The following SYNE1 variants were observed in gnomAD, a reference collection of about 807,000 sequenced individuals.
The protein encoded by SYNE1 is nesprin-1.
SYNE1 carries 616 observed loss-of-function variants against 1,111.0 expected under a neutral mutation model. That is an observed-to-expected ratio of 0.55 (90% CI 0.52 to 0.59). The LOEUF (loss-of-function observed/expected upper bound fraction) is 0.59, where lower values mean the gene tolerates loss of function less well. SYNE1 is among the 20% of genes least tolerant of loss of function. The pLI is 0.00. For missense variants in SYNE1, 10,006 were observed against 10,417.0 expected (o/e 0.96, Z 1.72); for synonymous variants, 3,855 against 3,825.8 (o/e 1.01, Z -0.28).
intron 81 of SYNE1, among the ~76,000 whole-genome samples, chr6:152,324,363 C>T (rs1309884564): frequency 1.3e-5 from 2 of 152,134 alleles, no homozygotes; most frequent in African/African-American, 2.4e-5. Flanking sequence ...CACACCACTG[C>T]ACTCTAGCCT....
chr6:152,430,282 G>A (rs1199263867), intron 35 of SYNE1, 72 bp from the exon 36 acceptor site: 2 of 1,322,310 alleles, frequency 1.5e-6, no homozygotes, highest in African/African-American at 1.5e-5. Flanking sequence ...AAGTTACTGA[G>A]AAAATGGCAT....
Position 152,176,432 on chromosome 6 carries a change from G to A in SYNE1, c.23589C>T (p.Asn7863=), listed in dbSNP as rs753421656. ...SEIEYKLGKV[N]DRWQHLLDLI... Reference sequence around the variant, plus strand: ...GGTCCAGGAGATGCTGCCACCGGTCGTTGACCTTTCCCAGCTTGTATTCAA... The same window carrying A: ...GGTCCAGGAGATGCTGCCACCGGTCATTGACCTTTCCCAGCTTGTATTCAA... Residue 7863 remains asparagine (N), a synonymous_variant, in exon 130 of 146, where the codon AAC becomes AAT. Coordinates refer to ENST00000367255, the MANE Select transcript of SYNE1 (RefSeq NM_182961.4). 19 of 1,614,054 alleles carry A rather than the reference G, an allele frequency of 1.2e-5. No individual in the cohort carries two copies. The highest frequency in any genetic ancestry group is 7.6e-6 in the Non-Finnish European group (9 of 1,180,016).
Position 152,225,791 on chromosome 6 carries a change from T to C in SYNE1, c.21281A>G (p.Glu7094Gly). 1 of 1,614,164 alleles carries C rather than the reference T, an allele frequency of 6.2e-7. No homozygotes were observed. The highest frequency in any genetic ancestry group is 8.5e-7 in the Non-Finnish European group (1 of 1,180,014). Residue 7094 changes from glutamate to glycine, a missense_variant, in exon 116 of 146, where the codon GAA becomes GGA. Coordinates refer to ENST00000367255, the MANE Select transcript of SYNE1 (RefSeq NM_182961.4). ...NGLALIQNKK[E>G]DVSSIVMSTL... ...GCTCATGACAATGCTAGAGACGTCT[T>C]CTTTCTTGTTCTGAATCAAAGCAAG...
intron 3 of SYNE1, among the ~76,000 whole-genome samples, chr6:152,548,807 G>C (rs997389663): frequency 6.6e-6 from 1 of 152,134 alleles, no homozygotes; most frequent in African/African-American, 2.4e-5. Flanking sequence ...TTCCCATCCA[G>C]GGGTAGAATC....
chr6:152,401,386 G>T, intron 46 of SYNE1, 45 bp from the exon 47 acceptor site: 1 of 1,569,196 alleles, frequency 6.4e-7, no homozygotes, highest in Admixed American at 1.7e-5. Context: ...AAGACCAGAA[G>T]AATACTCATT....
At chr6:152,215,190 C>A in intron 121 of SYNE1, 130 bp from the exon 122 acceptor site, 2 of 1,005,636 alleles carry the variant, frequency 2.0e-6, no homozygotes, top group South Asian at 1.4e-5. Context: ...CATTTCTAGG[C>A]CACTTACTTA....
chr6:152,177,338 A>T (rs911383224), intron 129 of SYNE1, among the ~76,000 whole-genome samples: 3 of 152,192 alleles, frequency 2.0e-5, no homozygotes, highest in Non-Finnish European at 2.9e-5. Context: ...CCTGACTGCC[A>T]CTGCTATCCC....
At chr6:152,314,965 C>G (rs2095666721) in intron 87 of SYNE1, among the ~76,000 whole-genome samples, 2 of 140,508 alleles carry the variant, frequency 1.4e-5, no homozygotes, top group African/African-American at 2.6e-5. Context: ...GAGCTACAGC[C>G]TGGGCGATAG....
At chr6:152,239,830 G>T in intron 107 of SYNE1, 124 bp from the exon 108 acceptor site, 2 of 1,016,630 alleles carry the variant, frequency 2.0e-6, no homozygotes, top group Non-Finnish European at 3.0e-6. Context: ...AGGCTGAAGT[G>T]GGTGGATTAC....
chr6:152,584,125 C>T lies in SYNE1; in HGVS notation c.68-44104G>A, dbSNP rs114252497. Among the ~76,000 whole-genome samples the T allele has an allele frequency of 3.1e-3, 479 of 152,218 alleles. 3 individuals carry two copies. The highest frequency in any genetic ancestry group is 0.011 in the African/African-American group (457 of 41,532). On this transcript the variant is annotated intron_variant, in intron 3 of 145. Coordinates refer to ENST00000367255, the MANE Select transcript of SYNE1 (RefSeq NM_182961.4). Reference sequence around the variant, plus strand: ...GATTATGACACTTGTGCCTCGATACCCTTATCTGCTAAATCGGGGAGCACA... The same window carrying T: ...GATTATGACACTTGTGCCTCGATACTCTTATCTGCTAAATCGGGGAGCACA...
At chr6:152,369,982 CAAAAAAAAAAAA>C (rs778013525) in intron 59 of SYNE1, among the ~76,000 whole-genome samples, 8 of 49,986 alleles carry the variant, frequency 1.6e-4, no homozygotes, top group African/African-American at 4.2e-4. Context: ...GACTCTGTCT[CAAAAAAAAAAAA>C]AAAAAAAAAA....
chr6:152,195,359 T>G (rs2073823595), intron 127 of SYNE1, among the ~76,000 whole-genome samples: 1 of 152,256 alleles, frequency 6.6e-6, no homozygotes, highest in South Asian at 2.1e-4. Context: ...TGCAGATGTT[T>G]GCTGGTGTCT....
intron 61 of SYNE1, chr6:152,367,741 T>G (rs2097105610): frequency 3.6e-6 from 1 of 278,170 alleles, no homozygotes; most frequent in South Asian, 4.3e-5. Flanking sequence ...ACAACCCACA[T>G]GACCTACATT....
intron 93 of SYNE1, 85 bp from the exon 94 acceptor site, chr6:152,294,212 GA>G: frequency 6.8e-7 from 1 of 1,475,030 alleles, no homozygotes. Flanking sequence ...TCATGTCAAG[GA>G]AAGGTTTCAG....
intron 32 of SYNE1, among the ~76,000 whole-genome samples, chr6:152,439,932 T>A (rs1266061002): frequency 6.6e-6 from 1 of 152,170 alleles, no homozygotes; most frequent in Non-Finnish European, 1.5e-5. Flanking sequence ...ATACGGTCTG[T>A]TTGATGCCCC....
At chr6:152,136,207 C>A (rs1388061172) in intron 141 of SYNE1, among the ~76,000 whole-genome samples, 1 of 152,146 alleles carries the variant, frequency 6.6e-6, no homozygotes, top group African/African-American at 2.4e-5. Flanking sequence ...ACCACGTCTG[C>A]CATATGGTGG....
chr6:152,260,961 T>C (rs2091899299), intron 101 of SYNE1, among the ~76,000 whole-genome samples: 2 of 152,110 alleles, frequency 1.3e-5, no homozygotes. Flanking sequence ...GTCTGCAGCC[T>C]GGGGGTTGGG....
intron 47 of SYNE1, 116 bp downstream of exon 47, chr6:152,401,022 T>G (rs758741204): frequency 2.1e-6 from 2 of 972,916 alleles, no homozygotes; most frequent in Non-Finnish European, 3.2e-6. Context: ...AATAAGTTGG[T>G]CTGGTGTTCA....
rs370096464 is a variant in SYNE1 at position 152,444,368 on chromosome 6, A to G, written c.3837+43T>C. The G allele has an allele frequency of 2.6e-5, 42 of 1,606,138 alleles. No individual in the cohort carries two copies. In the African/African-American group the frequency reaches 5.5e-4, roughly 21 times the overall value. On this transcript the variant is annotated intron_variant, in intron 30 of 145. Coordinates refer to ENST00000367255, the MANE Select transcript of SYNE1 (RefSeq NM_182961.4). ...ATCTCTCTGGTTCTTTCAGTAGCAAATCAACTTTACATAATCTTGTTGGAA... is the reference window on the plus strand; with the variant it reads ...ATCTCTCTGGTTCTTTCAGTAGCAAGTCAACTTTACATAATCTTGTTGGAA...
Sources: allele counts gnomAD v4.1 joint callset (sites outside exome capture counted in the v4.1 genomes callset), GRCh38; gene constraint gnomAD v4.1.1; transcripts MANE v1.5; gene names NCBI Gene and HGNC (gene_info 2026-07-23, HGNC 2026-07-21).